Variants in CCDC171 observed in about 807,000 individuals in gnomAD.
CCDC171 encodes coiled-coil domain containing 171.
Under a neutral mutation model 168.2 loss-of-function variants are expected in CCDC171, and 177 were observed. The observed-to-expected ratio is 1.05, with a 90% CI of 0.93 to 1.19. CCDC171 has a LOEUF of 1.19. Ranked by LOEUF, CCDC171 falls within the 50% of genes most tolerant of loss-of-function variation. CCDC171 has a pLI of 0.00. For missense variants in CCDC171, 1,991 were observed against 1,539.0 expected, an observed-to-expected ratio of 1.29 and a Z score of -4.91; for synonymous variants, 687 against 540.8, an observed-to-expected ratio of 1.27 and a Z score of -3.75.
intron 11 of CCDC171, among the ~76,000 whole-genome samples, chr9:15,700,269 C>T (rs2051609738): frequency 6.6e-6 from 1 of 152,240 alleles, no homozygotes; most frequent in Admixed American, 6.5e-5. Context: ...ACACCCTCTG[C>T]AGCCGCTGGC....
At chr9:15,806,764 C>T (rs1040716017) in intron 21 of CCDC171, among the ~76,000 whole-genome samples, 1 of 151,932 alleles carries the variant, frequency 6.6e-6, no homozygotes, top group African/African-American at 2.4e-5. Context: ...TGACTCTTGG[C>T]CTCTATATAG....
At chr9:15,787,191 C>G (rs1357644173) in intron 21 of CCDC171, among the ~76,000 whole-genome samples, 1 of 152,052 alleles carries the variant, frequency 6.6e-6, no homozygotes, top group Non-Finnish European at 1.5e-5. Context: ...ATGATCAAAT[C>G]AGGCTAACAT....
At position 15,844,786 on chromosome 9, in the gene CCDC171, A is replaced by G. The variant is rs1007490496; in HGVS notation, c.3268-1916A>G. On this transcript the variant is annotated intron_variant, in intron 21 of 25. Coordinates refer to ENST00000380701, the MANE Select transcript of CCDC171 (RefSeq NM_173550.4). ...TAGAAATTCTAATGTTATGAGGTAT[A>G]TCTTCTTTGAAAGTATATGATAGGA... Among the ~76,000 whole-genome samples, 5 of 152,218 alleles carry G rather than the reference A, an allele frequency of 3.3e-5. No individual in the cohort carries two copies. In the South Asian group the frequency reaches 1.0e-3, roughly 32 times the overall value.
intron 23 of CCDC171, among the ~76,000 whole-genome samples, chr9:15,849,885 G>T (rs551707814): frequency 1.3e-5 from 2 of 151,274 alleles, no homozygotes; most frequent in South Asian, 4.2e-4. Context: ...AAAAACAATG[G>T]GCCCCTGTAT....
chr9:15,623,337 C>G lies in CCDC171; in HGVS notation c.746C>G (p.Ser249Cys). The change falls in exon 7 of 26, where the codon TCT (serine) becomes TGT (cysteine). Residue 249 changes from serine (S) to cysteine (C), a missense_variant. Physicochemically the swap from Ser to Cys is moderately radical, Grantham distance 112. Transcript: ENST00000380701. ...TTAGAAACAGAACATATGGACTGCTCTGACCTTTTACGGCGACAAACAAGT... is the reference window on the plus strand; with the variant it reads ...TTAGAAACAGAACATATGGACTGCTGTGACCTTTTACGGCGACAAACAAGT... ...EKLETEHMDCSDLLRRQTSEL... is the reference protein window; with the variant it reads ...EKLETEHMDCCDLLRRQTSEL... 6.2e-7 allele frequency: 1 copy of G among 1,611,726 alleles called. No homozygotes were observed.
the CCDC171 span, among the ~76,000 whole-genome samples, chr9:16,094,366 G>A: frequency 2.6e-5 from 4 of 152,176 alleles, no homozygotes; most frequent in Non-Finnish European, 5.9e-5. Flanking sequence ...TGGTTCATGT[G>A]TTCACATTTG....
intron 3 of CCDC171, among the ~76,000 whole-genome samples, chr9:15,986,035 C>A (rs1340722077): frequency 1.3e-5 from 2 of 152,166 alleles, no homozygotes; most frequent in African/African-American, 4.8e-5. Flanking sequence ...GAAGGCATAA[C>A]TTCGTAAAAG....
At chr9:15,645,205 C>G (rs144470284) in intron 7 of CCDC171, among the ~76,000 whole-genome samples, 87 of 152,298 alleles carry the variant, frequency 5.7e-4, no homozygotes, top group African/African-American at 2.0e-3. Flanking sequence ...AACTAACAAA[C>G]AGAAAGGACA....
rs1007911855 is a variant in CCDC171, at chr9:15,587,721, T to A, written c.353-3645T>A. 1.3e-5 allele frequency: 6 copies of A among 450,030 alleles called. No individual in the cohort carries two copies. In the Admixed American group the frequency reaches 1.4e-4, roughly 11 times the overall value. The allele number at this position is 450,030 out of a possible 1,614,324, so 27.9% of individuals were successfully genotyped here. A position where few individuals can be genotyped will look rare whatever the true frequency, so the allele number is the denominator to read the frequency against. On this transcript the variant is annotated intron_variant, in intron 4 of 25. Transcript: ENST00000380701. ...GGGTATATTAGTGTATAAACTGTAT[T>A]ACATTTATAGTTTCTAACTTTTAAT...
intron 6 of CCDC171, among the ~76,000 whole-genome samples, chr9:16,030,982 A>G (rs1232436383): frequency 6.6e-6 from 1 of 152,190 alleles, no homozygotes; most frequent in Non-Finnish European, 1.5e-5. Context: ...ACAAGAATAC[A>G]CTGGAGACAA....
At chr9:15,578,131 C>T (rs1461320676) in intron 3 of CCDC171, among the ~76,000 whole-genome samples, 1 of 151,856 alleles carries the variant, frequency 6.6e-6, no homozygotes, top group Non-Finnish European at 1.5e-5. Context: ...TTTATTGGTT[C>T]CATTTAGGGA....
At chr9:15,575,078 T>C (rs2040532833) in intron 3 of CCDC171, among the ~76,000 whole-genome samples, 1 of 151,788 alleles carries the variant, frequency 6.6e-6, no homozygotes. Context: ...AGATATCTCA[T>C]TGGCCCAGAT....
In CCDC171 at chr9:15,629,304, A is replaced by G. The variant is rs189402324; in HGVS notation, c.822+5891A>G. On this transcript the variant is annotated intron_variant, in intron 7 of 25. Coordinates refer to ENST00000380701, the MANE Select transcript of CCDC171 (RefSeq NM_173550.4). ...TTGAAAAAAATTTAGACGAATGTAT[A>G]GAATAACCAATACAGAGAAGTGCTT... Among the ~76,000 whole-genome samples the G allele has an allele frequency of 1.5e-3, 224 of 152,346 alleles. 2 individuals carry two copies. Among genetic ancestry groups the G allele is most frequent in the African/African-American group, 5.0e-3 (208 of 41,588 alleles).
chr9:15,862,438 T>C (rs1004079014), intron 23 of CCDC171, among the ~76,000 whole-genome samples: 3 of 151,946 alleles, frequency 2.0e-5, no homozygotes, highest in Non-Finnish European at 2.9e-5. Flanking sequence ...ATTCTCACTT[T>C]GTTCATGTAT....
At chr9:15,896,215 AG>A (rs1273667598) in intron 24 of CCDC171, among the ~76,000 whole-genome samples, 1 of 152,044 alleles carries the variant, frequency 6.6e-6, no homozygotes, top group East Asian at 1.9e-4. Flanking sequence ...TATTTGAAAA[AG>A]TATTGGTCTT....
intron 18 of CCDC171, among the ~76,000 whole-genome samples, chr9:15,752,167 T>C (rs2055792643): frequency 6.6e-6 from 1 of 152,210 alleles, no homozygotes; most frequent in Non-Finnish European, 1.5e-5. Context: ...TCATCATCAC[T>C]GGTCATCAGA....
chr9:15,593,946 T>C, intron 5 of CCDC171, 95 bp from the exon 6 acceptor site: 1 of 759,414 alleles, frequency 1.3e-6, no homozygotes, highest in Non-Finnish European at 2.2e-6. Flanking sequence ...TTAACATCTA[T>C]AGGTAAGGAG....
chr9:15,676,089 T>C (rs1408379496), intron 9 of CCDC171, among the ~76,000 whole-genome samples: 1 of 152,174 alleles, frequency 6.6e-6, no homozygotes, highest in African/African-American at 2.4e-5. Flanking sequence ...TCTTTTTTTC[T>C]CTAATCATGT....
chr9:15,906,674 G>A (rs1822678298), intron 24 of CCDC171, among the ~76,000 whole-genome samples: 1 of 152,150 alleles, frequency 6.6e-6, no homozygotes, highest in Non-Finnish European at 1.5e-5. Context: ...TCTGGCCAGG[G>A]CAATCAGGCA....
Sources: allele counts gnomAD v4.1 joint callset (sites outside exome capture counted in the v4.1 genomes callset), GRCh38; gene constraint gnomAD v4.1.1; transcripts MANE v1.5; gene names NCBI Gene and HGNC (gene_info 2026-07-23, HGNC 2026-07-21).